The following GNA14 variants were observed in gnomAD, a reference collection of about 807,000 sequenced individuals.
The protein encoded by GNA14 is G protein subunit alpha 14, also known as guanine nucleotide-binding protein subunit alpha-14.
Under a neutral mutation model 42.0 loss-of-function variants are expected in GNA14, and 50 were observed. That is an observed-to-expected ratio of 1.19 (90% CI 0.95 to 1.51). The LOEUF (loss-of-function observed/expected upper bound fraction) is 1.51. Among genes scored for constraint, GNA14 ranks in the 40% most tolerant of loss-of-function variants. The pLI is 0.00. For synonymous variants in GNA14, 173 were observed against 163.1 expected (o/e 1.06, Z -0.46); for missense variants, 473 against 446.2 (o/e 1.06, Z -0.54).
rs191616037 is a variant in GNA14, at chr9:77,514,121, G to A, written c.309+14948C>T. 2.6e-5 allele frequency among the ~76,000 whole-genome samples: 4 copies of A among 152,232 alleles called. No individual in the cohort carries two copies. In the East Asian group the frequency reaches 7.7e-4, roughly 29 times the overall value. On this transcript the variant is annotated intron_variant, in intron 2 of 6. Transcript: ENST00000341700. ...CCCAAGCTTCCCAAACTAAGTTTAG[G>A]GCCCCATGCCAGGCTTTTTGGTTAT...
At chr9:77,560,732 TTCTA>T (rs1349770067) in intron 1 of GNA14, among the ~76,000 whole-genome samples, 1 of 152,202 alleles carries the variant, frequency 6.6e-6, no homozygotes, top group Non-Finnish European at 1.5e-5. Context: ...CTAGCTTCCT[TTCTA>T]TCTTGAGTAG....
At chr9:77,590,578 T>C (rs1179897195) in intron 1 of GNA14, among the ~76,000 whole-genome samples, 1 of 152,138 alleles carries the variant, frequency 6.6e-6, no homozygotes, top group Non-Finnish European at 1.5e-5. Flanking sequence ...CTCACTCTTG[T>C]CCAAGCCATG....
At chr9:77,440,692 T>C (rs1282791252) in intron 2 of GNA14, among the ~76,000 whole-genome samples, 2 of 152,146 alleles carry the variant, frequency 1.3e-5, no homozygotes, top group Admixed American at 1.3e-4. Flanking sequence ...ACACTTAAAA[T>C]CTACTCCCTT....
chr9:77,633,195 A>T (rs1824126327), intron 1 of GNA14, among the ~76,000 whole-genome samples: 1 of 152,160 alleles, frequency 6.6e-6, no homozygotes, highest in African/African-American at 2.4e-5. Context: ...AGAAGGTGCT[A>T]TGGGAGAAAT....
chr9:77,638,589 G>A (rs1241602781), intron 1 of GNA14, among the ~76,000 whole-genome samples: 1 of 152,242 alleles, frequency 6.6e-6, no homozygotes, highest in African/African-American at 2.4e-5. Context: ...AAACACAAAG[G>A]TGAGTTTGGC....
intron 2 of GNA14, among the ~76,000 whole-genome samples, chr9:77,466,952 T>TGCTTAA (rs1241422470): frequency 1.3e-5 from 2 of 151,940 alleles, no homozygotes; most frequent in Admixed American, 1.3e-4. Flanking sequence ...TCAAAGGTTG[T>TGCTTAA]GCTTAAGCCC....
At chr9:77,602,386 C>G (rs1050977109) in intron 1 of GNA14, among the ~76,000 whole-genome samples, 3 of 152,228 alleles carry the variant, frequency 2.0e-5, no homozygotes, top group Admixed American at 6.5e-5. Flanking sequence ...GACCGCATAG[C>G]AAATGCAACT....
chr9:77,637,554 A>G (rs1266985839), intron 1 of GNA14, among the ~76,000 whole-genome samples: 1 of 152,194 alleles, frequency 6.6e-6, no homozygotes, highest in Non-Finnish European at 1.5e-5. Flanking sequence ...CTTGTTATCT[A>G]TTCTATTGTT....
chr9:77,438,677 G>A (rs1172083893), intron 2 of GNA14, among the ~76,000 whole-genome samples: 1 of 152,074 alleles, frequency 6.6e-6, no homozygotes, highest in Non-Finnish European at 1.5e-5. Context: ...TTGGTCAAAT[G>A]TGAACAATTA....
chr9:77,514,282 G>A (rs1837214755), intron 2 of GNA14, among the ~76,000 whole-genome samples: 1 of 152,128 alleles, frequency 6.6e-6, no homozygotes, highest in Admixed American at 6.5e-5. Flanking sequence ...TATCCCATGG[G>A]AGAACAGCTG....
chr9:77,569,153 CTT>C, intron 1 of GNA14, among the ~76,000 whole-genome samples: 1 of 144,168 alleles, frequency 6.9e-6, no homozygotes, highest in Admixed American at 7.0e-5. Flanking sequence ...TCTCTTTTGC[CTT>C]TTTTTTTTTT....
chr9:77,501,754 G>A (rs987605547), intron 2 of GNA14, among the ~76,000 whole-genome samples: 7 of 134,664 alleles, frequency 5.2e-5, no homozygotes, highest in South Asian at 4.5e-4. Flanking sequence ...TCTGTCACCC[G>A]GGTTGGAGTG....
At chr9:77,607,518 A>G (rs1341723123) in intron 1 of GNA14, among the ~76,000 whole-genome samples, 1 of 152,186 alleles carries the variant, frequency 6.6e-6, no homozygotes, top group Non-Finnish European at 1.5e-5. Context: ...TCTGCATCTC[A>G]CACACTTGAA....
At chr9:77,544,091 A>G (rs1272225515) in intron 1 of GNA14, among the ~76,000 whole-genome samples, 1 of 152,226 alleles carries the variant, frequency 6.6e-6, no homozygotes, top group Admixed American at 6.5e-5. Context: ...ATGTAGTCAC[A>G]TAATCTAGAC....
intron 1 of GNA14, among the ~76,000 whole-genome samples, chr9:77,630,441 G>T (rs756671234): frequency 6.6e-6 from 1 of 152,062 alleles, no homozygotes; most frequent in African/African-American, 2.4e-5. Context: ...TTATTTAATC[G>T]ATCTACCAGA....
chr9:77,571,076 A>AT (rs34961625), intron 1 of GNA14, among the ~76,000 whole-genome samples: 5,692 of 150,884 alleles, frequency 0.038, 358 homozygotes, highest in African/African-American at 0.13. Flanking sequence ...ATGGGCTAGA[A>AT]TTGTATAGCT....
At chr9:77,463,249 G>A (rs1034340930) in intron 2 of GNA14, among the ~76,000 whole-genome samples, 2 of 152,120 alleles carry the variant, frequency 1.3e-5, no homozygotes, top group African/African-American at 4.8e-5. Flanking sequence ...AAGATACTAG[G>A]AGTCGCCATC....
At chr9:77,599,802 T>TG (rs1463904690) in intron 1 of GNA14, among the ~76,000 whole-genome samples, 1 of 152,070 alleles carries the variant, frequency 6.6e-6, no homozygotes, top group Non-Finnish European at 1.5e-5. Context: ...CAAGTTACAT[T>TG]GAGGTTTAAG....
intron 1 of GNA14, among the ~76,000 whole-genome samples, chr9:77,545,770 C>T (rs1294803286): frequency 6.6e-6 from 1 of 152,148 alleles, no homozygotes; most frequent in African/African-American, 2.4e-5. Flanking sequence ...GTCTCATTCT[C>T]TTCTCCCTGT....
Sources: allele counts gnomAD v4.1 joint callset (sites outside exome capture counted in the v4.1 genomes callset), GRCh38; gene constraint gnomAD v4.1.1; transcripts MANE v1.5; gene names NCBI Gene and HGNC (gene_info 2026-07-23, HGNC 2026-07-21).